The following SLC39A4 variants were observed in gnomAD, a reference collection of about 807,000 sequenced individuals.
The protein encoded by SLC39A4 is solute carrier family 39 member 4, also known as zinc transporter ZIP4.
Under a neutral mutation model 56.6 loss-of-function variants are expected in SLC39A4, and 49 were observed. That is an observed-to-expected ratio of 0.87 (90% CI 0.69 to 1.10). SLC39A4 has a LOEUF of 1.10. Ranked by LOEUF, SLC39A4 falls within the 50% of genes least tolerant of loss-of-function variation. The pLI is 0.00. For missense variants in SLC39A4, 993 were observed against 864.2 expected, an observed-to-expected ratio of 1.15 and a Z score of -1.87; for synonymous variants, 540 against 420.4, an observed-to-expected ratio of 1.28 and a Z score of -3.48.
At chr8:144,415,716 C>T in intron 2 of SLC39A4, 94 bp downstream of exon 2, 2 of 1,443,846 alleles carry the variant, frequency 1.4e-6, no homozygotes, top group Non-Finnish European at 1.8e-6. Context: ...CCCCAGGCCC[C>T]CAGGCTCCCC....
Position 144,416,730 on chromosome 8 carries a change from C to G in SLC39A4, c.60G>C (p.Ala20=). The change falls in exon 1 of 12, where the codon GCG becomes GCC. Residue 20 remains alanine (A), a synonymous_variant. Coordinates refer to ENST00000301305, the MANE Select transcript of SLC39A4 (RefSeq NM_130849.4). Reference sequence around the variant, plus strand: ...GCAGACCAGCAGGCGGGGACGCCGTCGCCGTCACCACCAGCACAGCCAGAA... The same window carrying G: ...GCAGACCAGCAGGCGGGGACGCCGTGGCCGTCACCACCAGCACAGCCAGAA... The part of the protein sequence containing the change: ...GLLLAVLVVT[A]TASPPAGLLS... 2 of 1,612,530 alleles carry G rather than the reference C, an allele frequency of 1.2e-6. No individual in the cohort carries two copies. The highest frequency in any genetic ancestry group is 8.5e-7 in the Non-Finnish European group (1 of 1,179,830).
rs1554872764 is a variant in SLC39A4 at position 144,413,972 on chromosome 8, G to A, written c.1273C>T (p.Pro425Ser). The A allele has an allele frequency of 6.2e-7, 1 of 1,610,258 alleles. No homozygotes were observed. Among genetic ancestry groups the A allele is most frequent in the Non-Finnish European group, 8.5e-7 (1 of 1,178,568 alleles). Residue 425 changes from proline to serine, a missense_variant, in exon 7 of 12, where the codon CCC becomes TCC. Pro to Ser is a moderately conservative substitution (Grantham distance 74). Coordinates refer to ENST00000301305, the MANE Select transcript of SLC39A4 (RefSeq NM_130849.4). ...AGAAGCCTGACCTCCGGGTCCCTGG[G>A]CAGCAGGAGATTGAAGAGGTTCTCA... ...LFENLFNLLL[P>S]RDPEDLEDGP...
At position 144,415,036 on chromosome 8, in the gene SLC39A4, C is replaced by G; in HGVS notation, c.742G>C (p.Ala248Pro). The change falls in exon 4 of 12, where the codon GCC becomes CCC. Residue 248 changes from alanine (A) to proline (P), a missense_variant. Coordinates refer to ENST00000301305, the MANE Select transcript of SLC39A4 (RefSeq NM_130849.4). ...HSDHSHRHRG[A>P]SSRDPVPLIS... ...AGGGGCACAGGGTCCCGGCTGCTGG[C>G]TCCCCTGTGCCGATGACTGTGGTCA... The G allele has an allele frequency of 6.2e-7, 1 of 1,611,606 alleles. No homozygotes were observed. The highest frequency in any genetic ancestry group is 8.5e-7 in the Non-Finnish European group (1 of 1,179,948).
At chr8:144,413,071 A>G in intron 10 of SLC39A4, 125 bp from the exon 11 acceptor site, 1 of 1,358,098 alleles carries the variant, frequency 7.4e-7, no homozygotes, top group South Asian at 1.3e-5. Flanking sequence ...CCCAGCCGTC[A>G]GATCCCGCCC....
intron 8 of SLC39A4, 81 bp from the exon 9 acceptor site, chr8:144,413,648 G>A (rs1014573974): frequency 1.3e-6 from 2 of 1,545,450 alleles, no homozygotes; most frequent in Non-Finnish European, 8.7e-7. Context: ...GATCACCGCG[G>A]GAGGCGGAGC....
chr8:144,415,754 ATGGGCCG>A, intron 2 of SLC39A4, 49 bp downstream of exon 2: 1 of 1,531,100 alleles, frequency 6.5e-7, no homozygotes, highest in Middle Eastern at 2.4e-4. Context: ...GCCGGGTCCC[ATGGGCCG>A]TGGGACCCTC....
intron 5 of SLC39A4, 26 bp from the exon 6 acceptor site, chr8:144,414,460 G>C: frequency 6.5e-7 from 1 of 1,549,720 alleles, no homozygotes; most frequent in South Asian, 1.2e-5. Flanking sequence ...GCGGCTGTGA[G>C]AGCTTTTCTT....
chr8:144,415,551 G>T, intron 2 of SLC39A4, 132 bp from the exon 3 acceptor site: 2 of 1,209,308 alleles, frequency 1.7e-6, no homozygotes, highest in Non-Finnish European at 1.1e-6. Flanking sequence ...TGGAGCCACA[G>T]CCCTCCCTGC....
In SLC39A4 at chr8:144,414,279, G is replaced by A. The variant is rs1554872949; in HGVS notation, c.1132C>T (p.Leu378=). 2.5e-6 allele frequency: 4 copies of A among 1,609,142 alleles called. No homozygotes were observed. The South Asian group carries it at 4.5e-5, about 18-fold the overall frequency. Residue 378 remains leucine (L), a synonymous_variant, in exon 6 of 12, where the codon CTG becomes TTG. Transcript: ENST00000301305. ...AVGAVTGDAV[L]HLTPKVLGLH... ...GGGCAGACCTTGGGCGTCAGATGCA[G>A]GACAGCGTCCCCAGTGACTGCACCC...
rs1821918672 is a variant in SLC39A4, at chr8:144,412,509, A to C, written c.*29T>G. ...TAGGTTTGTGAGGTGTGGGATCTTAAGTCAAAGGTGGGGGACTAGGGCAGG... is the reference window on the plus strand; with the variant it reads ...TAGGTTTGTGAGGTGTGGGATCTTACGTCAAAGGTGGGGGACTAGGGCAGG... On this transcript the variant is annotated 3_prime_UTR_variant, in exon 12 of 12. Transcript: ENST00000301305. 6.2e-7 allele frequency: 1 copy of C among 1,613,964 alleles called. No individual in the cohort carries two copies. The highest frequency in any genetic ancestry group is 8.5e-7 in the Non-Finnish European group (1 of 1,180,008).
Position 144,414,976 on chromosome 8 carries a change from T to G in SLC39A4, c.802A>C (p.Thr268Pro), listed in dbSNP as rs1554873333. 2 of 1,612,770 alleles carry G rather than the reference T, an allele frequency of 1.2e-6. No homozygotes were observed. Among genetic ancestry groups the G allele is most frequent in the South Asian group, 2.2e-5 (2 of 91,084 alleles). The change falls in exon 4 of 12, where the codon ACG (threonine) becomes CCG (proline). Residue 268 changes from threonine to proline, a missense_variant and splice_region_variant. Physicochemically the swap from Thr to Pro is conservative, Grantham distance 38. Transcript: ENST00000301305. ...SSSNSSSVWD[T>P]VCLSARDVMA... ...TCTTACCCCAGGGCGCAGCTCACCGTGTCCCACACACTGGAGCTGTTGCTG... is the reference window on the plus strand; with the variant it reads ...TCTTACCCCAGGGCGCAGCTCACCGGGTCCCACACACTGGAGCTGTTGCTG...
rs1390219216 is a variant in SLC39A4, at chr8:144,415,837, G to T, written c.447C>A (p.Ala149=). 11 of 1,595,844 alleles carry T rather than the reference G, an allele frequency of 6.9e-6. No individual in the cohort carries two copies. Among genetic ancestry groups the T allele is most frequent in the Non-Finnish European group, 9.4e-6 (11 of 1,175,874 alleles). ...GLSWLLQRMQ[A]RAAGQTPKMA... is the part of the protein sequence containing the mutation. The stretch of plus-strand genomic sequence containing the variant: ...TCTTGGGGGTCTGGCCGGCAGCCCG[G>T]GCCTGCATCCTCTGCAGCAGCCAGC... The change falls in exon 2 of 12, where the codon GCC becomes GCA. Residue 149 remains alanine, a synonymous_variant. Transcript: ENST00000301305.
Position 144,416,836 on chromosome 8 carries a change from A to G in SLC39A4, c.-47T>C, listed in dbSNP as rs1291616942. 15 of 1,575,566 alleles carry G rather than the reference A, an allele frequency of 9.5e-6. No individual in the cohort carries two copies. In the South Asian group the frequency reaches 1.0e-4, roughly 11 times the overall value. ...GTGGGTGTTGCTGTGGCCAAGGCCC[A>G]GTGCTTCTGGGCTGGCTGAGGGCGG... On this transcript the variant is annotated 5_prime_UTR_variant, in exon 1 of 12. Transcript: ENST00000301305.
In SLC39A4 at chr8:144,414,758, G is replaced by T. The variant is rs573522327; in HGVS notation, c.943C>A (p.Pro315Thr). The T allele has an allele frequency of 6.2e-6, 10 of 1,613,094 alleles. No individual in the cohort carries two copies. Among genetic ancestry groups the T allele is most frequent in the Non-Finnish European group, 8.5e-6 (10 of 1,179,940 alleles). Residue 315 changes from proline to threonine, a missense_variant, in exon 5 of 12, where the codon CCC (proline) becomes ACC (threonine). Transcript: ENST00000301305. ...TGGCTGAGCTGGTCCTGGACGGGGG[G>T]CCTGGACTGGGAGGTGCAGGCTCCA... Reference protein sequence around the residue: ...LSGACTSQSRPPVQDQLSQSE... With the variant: ...LSGACTSQSRTPVQDQLSQSE...
At position 144,413,952 on chromosome 8, in the gene SLC39A4, C is replaced by A. The variant is rs782005884; in HGVS notation, c.1287+6G>T. 3.1e-6 allele frequency: 5 copies of A among 1,610,806 alleles called. No homozygotes were observed. The highest frequency in any genetic ancestry group is 1.7e-4 in the Middle Eastern group (1 of 6,050). ...ACCCGCCGGGTACCTTCCCAAGAAG[C>A]CTGACCTCCGGGTCCCTGGGCAGCA... On this transcript the variant is annotated splice_donor_region_variant and intron_variant, in intron 7 of 11. Coordinates refer to ENST00000301305, the MANE Select transcript of SLC39A4 (RefSeq NM_130849.4).
chr8:144,412,919 C>T lies in SLC39A4; in HGVS notation c.1655G>A (p.Gly552Glu). 7 of 1,606,940 alleles carry T rather than the reference C, an allele frequency of 4.4e-6. No homozygotes were observed. The highest frequency in any genetic ancestry group is 5.9e-6 in the Non-Finnish European group (7 of 1,179,268). ...CAGCAGTGCTTGGCGCACGGACAGC[C>T]CCGCGTGCAGCAAGGCGGCGAAGTC... ...LGDFAALLHA[G>E]LSVRQALLLN... is the part of the protein sequence containing the mutation. The change falls in exon 11 of 12, where the codon GGG becomes GAG. Residue 552 changes from glycine (G) to glutamate (E), a missense_variant. Gly to Glu is a moderately conservative substitution (Grantham distance 98). Transcript: ENST00000301305.
chr8:144,414,009 G>A lies in SLC39A4; in HGVS notation c.1236C>T (p.Ala412=). ...TGAAGAGGTTCTCAAACAGGAAGAA[G>A]GCGTAGAGCCCGGCCAGCATAGCCA... The part of the protein sequence containing the change: ...RLLAMLAGLY[A]FFLFENLFNL... Residue 412 remains alanine, a synonymous_variant, in exon 7 of 12, where the codon GCC becomes GCT. Transcript: ENST00000301305. 6.2e-7 allele frequency: 1 copy of A among 1,605,162 alleles called. No individual in the cohort carries two copies.
At position 144,415,920 on chromosome 8, in the gene SLC39A4, G is replaced by T; in HGVS notation, c.364C>A (p.His122Asn). 1.3e-6 allele frequency: 2 copies of T among 1,595,520 alleles called. No individual in the cohort carries two copies. Among genetic ancestry groups the T allele is most frequent in the Non-Finnish European group, 1.7e-6 (2 of 1,173,726 alleles). ...AGCAGGGCCAGGAGGTGGTCTGCAT[G>T]AGAGGCCCAGAGGCCAGCCCGAGCG... is the stretch of plus-strand genomic sequence containing the variant. ...EDARAGLWAS[H>N]ADHLLALLES... Residue 122 changes from histidine to asparagine, a missense_variant, in exon 2 of 12, where the codon CAT (histidine) becomes AAT (asparagine). Physicochemically the swap from His to Asn is moderately conservative, Grantham distance 68 (BLOSUM62 1). Transcript: ENST00000301305.
At position 144,414,280 on chromosome 8, in the gene SLC39A4, G is replaced by C. The variant is rs182755191; in HGVS notation, c.1131C>G (p.Val377=). 43 of 1,609,182 alleles carry C rather than the reference G, an allele frequency of 2.7e-5. No individual in the cohort carries two copies. The highest frequency in any genetic ancestry group is 3.6e-5 in the Non-Finnish European group (43 of 1,178,806). Residue 377 remains valine (V), a synonymous_variant, in exon 6 of 12, where the codon GTC becomes GTG. Coordinates refer to ENST00000301305, the MANE Select transcript of SLC39A4 (RefSeq NM_130849.4). ...GGCAGACCTTGGGCGTCAGATGCAG[G>C]ACAGCGTCCCCAGTGACTGCACCCA... is the stretch of plus-strand genomic sequence containing the variant. ...LAVGAVTGDA[V]LHLTPKVLGL...
Sources: gnomAD v4.1 joint callset for allele counts on GRCh38, gnomAD v4.1.1 for gene constraint, MANE v1.5 for transcripts, NCBI Gene and HGNC (gene_info 2026-07-23, HGNC 2026-07-21) for gene names.